TOGARAM1: variants seen among roughly 807,000 people sequenced by gnomAD.
TOGARAM1 encodes the protein TOG array regulator of axonemal microtubules protein 1.
A neutral mutation model predicts 166.6 loss-of-function variants in TOGARAM1; 100 were observed. That is an observed-to-expected ratio of 0.60 (90% CI 0.51 to 0.71). The LOEUF (loss-of-function observed/expected upper bound fraction) is 0.71, where lower values mean the gene tolerates loss of function less well. Among genes scored for constraint, TOGARAM1 ranks in the 30% least tolerant of loss-of-function variants. The pLI is 0.00. For synonymous variants in TOGARAM1, 758 were observed against 763.8 expected, an observed-to-expected ratio of 0.99 and a Z score of 0.13; for missense variants, 2,029 against 2,102.7, an observed-to-expected ratio of 0.96 and a Z score of 0.69.
intron 1 of TOGARAM1, among the ~76,000 whole-genome samples, chr14:44,967,092 A>G (rs531593676): frequency 1.3e-5 from 2 of 152,232 alleles, no homozygotes; most frequent in South Asian, 2.1e-4. Context: ...GTGGTATTTG[A>G]AAACAAAAGT....
At chr14:44,993,896 A>G (rs529816246) in intron 1 of TOGARAM1, among the ~76,000 whole-genome samples, 1 of 152,320 alleles carries the variant, frequency 6.6e-6, no homozygotes, top group South Asian at 2.1e-4. Context: ...TAAATCTAAC[A>G]TAAAATGTAT....
chr14:44,963,483 G>C lies in TOGARAM1; in HGVS notation c.1062G>C (p.Glu354Asp). 6.2e-7 allele frequency: 1 copy of C among 1,614,200 alleles called. No homozygotes were observed. Among genetic ancestry groups the C allele is most frequent in the African/African-American group, 1.3e-5 (1 of 75,044 alleles). ...TTAAATTTGGGATTATTCCTCAGGA[G>C]CTGCATTCACGATTATTGGATCAGG... is the stretch of plus-strand genomic sequence containing the variant. ...SNLKFGIIPQ[E>D]LHSRLLDQED... Residue 354 changes from glutamate (E) to aspartate (D), a missense_variant, in exon 1 of 20, where the codon GAG (glutamate) becomes GAC (aspartate). Coordinates refer to ENST00000361462, the MANE Select transcript of TOGARAM1 (RefSeq NM_001308120.2).
intron 11 of TOGARAM1, among the ~76,000 whole-genome samples, chr14:45,039,748 C>T (rs1214211926): frequency 6.6e-6 from 1 of 152,170 alleles, no homozygotes; most frequent in Non-Finnish European, 1.5e-5. Context: ...TTCCAGGGCC[C>T]CTGAGAACAC....
intron 1 of TOGARAM1, among the ~76,000 whole-genome samples, chr14:44,990,536 A>G (rs1304114111): frequency 6.6e-6 from 1 of 152,220 alleles, no homozygotes; most frequent in Non-Finnish European, 1.5e-5. Flanking sequence ...TGTCAAACAA[A>G]GAATCAGAGA....
intron 1 of TOGARAM1, among the ~76,000 whole-genome samples, chr14:44,964,900 A>G (rs1252761688): frequency 6.6e-6 from 1 of 151,374 alleles, no homozygotes; most frequent in Non-Finnish European, 1.5e-5. Flanking sequence ...TAGAAATATA[A>G]AGAGTCCTGC....
intron 16 of TOGARAM1, among the ~76,000 whole-genome samples, chr14:45,060,374 C>A (rs1443773677): frequency 1.3e-5 from 2 of 151,998 alleles, no homozygotes; most frequent in East Asian, 1.9e-4. Flanking sequence ...TGCCACCACA[C>A]CCCGCTAATT....
At chr14:45,025,547 G>A (rs1880782488) in intron 7 of TOGARAM1, 1 of 346,350 alleles carries the variant, frequency 2.9e-6, no homozygotes, top group South Asian at 3.3e-5. Flanking sequence ...CTGGGCGACA[G>A]AGCGAGACTC....
chr14:45,021,190 A>C (rs961004167), intron 7 of TOGARAM1, among the ~76,000 whole-genome samples: 1 of 152,190 alleles, frequency 6.6e-6, no homozygotes, highest in Non-Finnish European at 1.5e-5. Context: ...TCCAACAGAC[A>C]GTGGCTCCAA....
intron 1 of TOGARAM1, among the ~76,000 whole-genome samples, chr14:44,990,771 C>T (rs1324767085): frequency 6.6e-6 from 1 of 151,930 alleles, no homozygotes. Flanking sequence ...GGGTATTCTC[C>T]CTTTGTGTAG....
chr14:44,982,910 A>G (rs901153911), intron 1 of TOGARAM1, among the ~76,000 whole-genome samples: 31 of 152,222 alleles, frequency 2.0e-4, no homozygotes, highest in Non-Finnish European at 1.8e-4. Context: ...AGCACTAACT[A>G]CAGTGCTCTT....
At chr14:45,000,320 A>G (rs910519357) in intron 3 of TOGARAM1, among the ~76,000 whole-genome samples, 3 of 151,962 alleles carry the variant, frequency 2.0e-5, no homozygotes, top group African/African-American at 4.8e-5. Flanking sequence ...TTTTGTACGC[A>G]TTAACTACCT....
intron 7 of TOGARAM1, among the ~76,000 whole-genome samples, chr14:45,024,303 T>C (rs1002680284): frequency 6.6e-6 from 1 of 152,136 alleles, no homozygotes; most frequent in African/African-American, 2.4e-5. Context: ...TTTACTCTTT[T>C]GATATTTGAA....
chr14:45,062,836 G>T (rs562392804), intron 16 of TOGARAM1, among the ~76,000 whole-genome samples: 1 of 152,118 alleles, frequency 6.6e-6, no homozygotes, highest in Non-Finnish European at 1.5e-5. Context: ...TGGGTTTATC[G>T]GGATGTAACT....
intron 1 of TOGARAM1, among the ~76,000 whole-genome samples, chr14:44,984,656 T>C (rs1181566061): frequency 2.6e-5 from 4 of 151,282 alleles, no homozygotes; most frequent in African/African-American, 9.7e-5. Context: ...GTGCCTGTAG[T>C]CCCAGCTGCT....
chr14:45,015,451 T>C (rs1880074611), intron 7 of TOGARAM1, among the ~76,000 whole-genome samples: 1 of 151,748 alleles, frequency 6.6e-6, no homozygotes. Context: ...GCCTAGATTT[T>C]GCATTTAGTA....
chr14:45,070,472 A>T (rs753686093), intron 18 of TOGARAM1, among the ~76,000 whole-genome samples: 2 of 152,210 alleles, frequency 1.3e-5, no homozygotes, highest in Non-Finnish European at 2.9e-5. Flanking sequence ...ACAGATGACT[A>T]ATCTTGTAAA....
intron 16 of TOGARAM1, among the ~76,000 whole-genome samples, chr14:45,055,028 C>G (rs941151508): frequency 1.6e-4 from 24 of 152,036 alleles, no homozygotes; most frequent in African/African-American, 5.6e-4. Flanking sequence ...TCAGCCTGGG[C>G]AACATGGCAA....
In TOGARAM1 at chr14:45,006,182, A is replaced by G. The variant is rs1879415352; in HGVS notation, c.2819A>G (p.Asp940Gly). 1 of 1,613,944 alleles carries G rather than the reference A, an allele frequency of 6.2e-7. No individual in the cohort carries two copies. Among genetic ancestry groups the G allele is most frequent in the African/African-American group, 1.3e-5 (1 of 74,926 alleles). The change falls in exon 5 of 20, where the codon GAT (aspartate) becomes GGT (glycine). Residue 940 changes from aspartate to glycine, a missense_variant. Coordinates refer to ENST00000361462, the MANE Select transcript of TOGARAM1 (RefSeq NM_001308120.2). ...GTGGGACACAAAAAGAAAGAGCCTGATGATATTTGGAAGTGTGAAAAAGAT... is the reference window on the plus strand; with the variant it reads ...GTGGGACACAAAAAGAAAGAGCCTGGTGATATTTGGAAGTGTGAAAAAGAT... ...STVGHKKKEP[D>G]DIWKCEKDSL...
intron 6 of TOGARAM1, among the ~76,000 whole-genome samples, chr14:45,009,516 C>G (rs1020232146): frequency 6.6e-6 from 1 of 152,160 alleles, no homozygotes; most frequent in African/African-American, 2.4e-5. Context: ...TCATTTTAAG[C>G]TCAGCACCAG....
Sources: gnomAD v4.1 joint callset for allele counts (sites outside exome capture counted in the v4.1 genomes callset) on GRCh38, gnomAD v4.1.1 for gene constraint, MANE v1.5 for transcripts, NCBI Gene and HGNC (gene_info 2026-07-23, HGNC 2026-07-21) for gene names.